The following LMBR1 variants were observed in gnomAD, a reference collection of about 807,000 sequenced individuals.
LMBR1 encodes limb development membrane protein 1.
In LMBR1, 52 loss-of-function variants were observed where a neutral mutation model predicts 73.9. The observed-to-expected ratio is 0.70, with a 90% CI of 0.56 to 0.89. The LOEUF is 0.89. LMBR1 is among the 40% of genes least tolerant of loss of function. The pLI is 0.00. For synonymous variants in LMBR1, 215 were observed against 209.4 expected (o/e 1.03, Z -0.23); for missense variants, 539 against 579.8 (o/e 0.93, Z 0.72).
At chr7:156,691,571 T>C (rs10949599) in intron 15 of LMBR1, among the ~76,000 whole-genome samples, 5,826 of 152,162 alleles carry the variant, frequency 0.038, 149 homozygotes, top group Non-Finnish European at 0.045. Context: ...TTCATCTTCC[T>C]AAAGCAGCAA....
At chr7:156,675,962 G>A (rs2365513), downstream of LMBR1, 427,913 of 1,204,654 alleles carry the variant, frequency 0.36, 88,126 homozygotes, top group African/African-American at 0.58. Flanking sequence ...TCACTTTGGG[G>A]AGCCTAGGAG....
At chr7:156,673,296 A>G (rs1284951141), downstream of LMBR1, among the ~76,000 whole-genome samples, 3 of 152,240 alleles carry the variant, frequency 2.0e-5, no homozygotes, top group Non-Finnish European at 2.9e-5. Flanking sequence ...AAAACAATTT[A>G]CAGAAAACCT....
At chr7:156,872,005 T>C (rs1311612969) in intron 1 of LMBR1, 2 of 152,204 alleles carry the variant, frequency 1.3e-5, no homozygotes, top group Non-Finnish European at 2.9e-5. Flanking sequence ...AAACTGTCCA[T>C]TTGCATAAGA....
chr7:156,847,754 C>T (rs1004981934), intron 1 of LMBR1, among the ~76,000 whole-genome samples: 1 of 152,100 alleles, frequency 6.6e-6, no homozygotes, highest in Admixed American at 6.6e-5. Flanking sequence ...ATCCAGAATA[C>T]GAACACCACC....
At chr7:156,703,323 A>C (rs1269197158) in intron 15 of LMBR1, among the ~76,000 whole-genome samples, 2 of 152,152 alleles carry the variant, frequency 1.3e-5, no homozygotes, top group Non-Finnish European at 2.9e-5. Context: ...AGAACTGAGA[A>C]ATGAGCATGA....
chr7:156,863,340 C>A (rs2134216118), intron 1 of LMBR1, among the ~76,000 whole-genome samples: 1 of 147,652 alleles, frequency 6.8e-6, no homozygotes, highest in Admixed American at 6.7e-5. Flanking sequence ...AGTCTTTTCA[C>A]ATTTTTTTTT....
rs115537136 is a variant in LMBR1 at position 156,810,336 on chromosome 7, T to G, written c.320-13844A>C. On this transcript the variant is annotated intron_variant, in intron 4 of 16. Transcript: ENST00000353442. The stretch of plus-strand genomic sequence containing the variant: ...AGGGAATTCATCTATTCTTGGGGGA[T>G]CTGCCCCACTGGCCCAAACACCTCC... 7.2e-3 allele frequency among the ~76,000 whole-genome samples: 1,092 copies of G among 152,280 alleles called. 16 individuals carry two copies. Among genetic ancestry groups the G allele is most frequent in the African/African-American group, 0.024 (1,015 of 41,574 alleles).
intron 4 of LMBR1, among the ~76,000 whole-genome samples, 178 bp downstream of exon 4, chr7:156,826,427 C>G (rs1046905425): frequency 6.6e-6 from 1 of 152,104 alleles, no homozygotes; most frequent in Admixed American, 6.5e-5. Context: ...TCTTTCACAA[C>G]TAATTAAACA....
At chr7:156,702,453 C>T (rs1175873056) in intron 15 of LMBR1, among the ~76,000 whole-genome samples, 2 of 152,060 alleles carry the variant, frequency 1.3e-5, no homozygotes, top group African/African-American at 4.8e-5. Context: ...ATGTCCTTTG[C>T]CCACTTTTTA....
chr7:156,736,483 A>G, intron 9 of LMBR1: 1 of 456,508 alleles, frequency 2.2e-6, no homozygotes, highest in Non-Finnish European at 4.4e-6. Flanking sequence ...TCAAAGTGTC[A>G]AACACATACG....
intron 8 of LMBR1, among the ~76,000 whole-genome samples, chr7:156,758,203 A>G (rs1317743533): frequency 6.6e-6 from 1 of 152,218 alleles, no homozygotes; most frequent in Non-Finnish European, 1.5e-5. Context: ...GGAATCCCAG[A>G]GAAAACCCAC....
downstream of LMBR1, chr7:156,675,622 C>A: frequency 7.7e-7 from 1 of 1,290,936 alleles, no homozygotes; most frequent in South Asian, 1.2e-5. Flanking sequence ...AATAGATGGT[C>A]AGGCTCGAGA....
chr7:156,750,925 T>C (rs202127198), intron 9 of LMBR1, among the ~76,000 whole-genome samples: 1 of 151,962 alleles, frequency 6.6e-6, no homozygotes, highest in Non-Finnish European at 1.5e-5. Context: ...GCCTGGGCAA[T>C]ATGGCAAAAC....
intron 5 of LMBR1, among the ~76,000 whole-genome samples, chr7:156,768,711 T>C (rs528896805): frequency 4.1e-4 from 63 of 152,326 alleles, no homozygotes; most frequent in African/African-American, 1.3e-3. Context: ...GGTTGAGCTC[T>C]GGAAGAGACC....
chr7:156,751,765 G>A (rs1820939529), intron 9 of LMBR1, among the ~76,000 whole-genome samples: 1 of 152,200 alleles, frequency 6.6e-6, no homozygotes, highest in African/African-American at 2.4e-5. Flanking sequence ...CTGGAAGAAT[G>A]ATTTGTCACC....
intron 1 of LMBR1, among the ~76,000 whole-genome samples, chr7:156,857,617 A>G (rs1318392514): frequency 6.6e-6 from 1 of 152,232 alleles, no homozygotes; most frequent in Non-Finnish European, 1.5e-5. Context: ...TCTAATTGAC[A>G]TTTATAGAAT....
chr7:156,782,197 G>A (rs1047650818), intron 5 of LMBR1, among the ~76,000 whole-genome samples: 15 of 152,080 alleles, frequency 9.9e-5, no homozygotes, highest in East Asian at 1.9e-4. Context: ...GATATATCAC[G>A]TGTGGTTTAC....
chr7:156,689,851 AT>A, intron 15 of LMBR1, among the ~76,000 whole-genome samples: 1 of 152,310 alleles, frequency 6.6e-6, no homozygotes, highest in African/African-American at 2.4e-5. Context: ...TATAAGTTTT[AT>A]TTTTCAAATA....
chr7:156,716,169 T>C (rs1457935388), intron 15 of LMBR1, among the ~76,000 whole-genome samples: 1 of 152,110 alleles, frequency 6.6e-6, no homozygotes, highest in Non-Finnish European at 1.5e-5. Flanking sequence ...TAATACAAGG[T>C]TGAAAGTGCA....
Sources: allele counts gnomAD v4.1 joint callset (sites outside exome capture counted in the v4.1 genomes callset), GRCh38; gene constraint gnomAD v4.1.1; transcripts MANE v1.5; gene names NCBI Gene and HGNC (gene_info 2026-07-23, HGNC 2026-07-21).